NRG3: variants seen among roughly 807,000 people sequenced by gnomAD.
NRG3 encodes the protein neuregulin 3.
NRG3 carries 31 observed loss-of-function variants against 66.9 expected under a neutral mutation model. The ratio of observed to expected loss-of-function variants is 0.46; its 90% confidence interval spans 0.35 to 0.63. The LOEUF is 0.63. Ranked by LOEUF, NRG3 falls within the 20% of genes least tolerant of loss-of-function variation. The probability of loss-of-function intolerance (pLI) is 0.00; values close to 1 mark genes in which losing one functional copy is unlikely to be tolerated. For missense variants in NRG3, 910 were observed against 878.9 expected (o/e 1.04, Z -0.45); for synonymous variants, 393 against 359.4 (o/e 1.09, Z -1.06).
intron 2 of NRG3, among the ~76,000 whole-genome samples, chr10:82,625,077 A>G (rs1160213144): frequency 2.0e-5 from 3 of 151,942 alleles, no homozygotes; most frequent in Middle Eastern, 6.8e-3. Context: ...AGTGTCTGTT[A>G]TCTACCAGAT....
chr10:82,811,676 G>A (rs17100804), intron 3 of NRG3, among the ~76,000 whole-genome samples: 29,735 of 152,106 alleles, frequency 0.2, 3,840 homozygotes, highest in African/African-American at 0.36. Flanking sequence ...AAATTAATTA[G>A]ATCCTTAGAG....
At chr10:82,625,801 G>GT (rs1195452723) in intron 2 of NRG3, among the ~76,000 whole-genome samples, 3 of 152,174 alleles carry the variant, frequency 2.0e-5, no homozygotes, top group African/African-American at 7.2e-5. Context: ...CACAATATGT[G>GT]TAAGTGGTAA....
intron 2 of NRG3, among the ~76,000 whole-genome samples, chr10:82,375,809 C>T (rs1250571126): frequency 6.6e-6 from 1 of 152,118 alleles, no homozygotes; most frequent in Non-Finnish European, 1.5e-5. Context: ...ATTCTAAATT[C>T]AGGTGAAGAA....
chr10:82,927,810 G>C (rs1847158686), intron 4 of NRG3, among the ~76,000 whole-genome samples: 2 of 152,174 alleles, frequency 1.3e-5, no homozygotes, highest in African/African-American at 2.4e-5. Flanking sequence ...ACATACGTGT[G>C]CGTGTGTCTT....
At chr10:81,965,966 A>G (rs2059716509) in intron 1 of NRG3, among the ~76,000 whole-genome samples, 1 of 152,066 alleles carries the variant, frequency 6.6e-6, no homozygotes, top group Non-Finnish European at 1.5e-5. Flanking sequence ...ATTGTTTTGA[A>G]CATTAATGGA....
At chr10:82,255,272 GC>G (rs1185898950) in intron 1 of NRG3, among the ~76,000 whole-genome samples, 1 of 152,084 alleles carries the variant, frequency 6.6e-6, no homozygotes, top group Non-Finnish European at 1.5e-5. Context: ...TCACAGACAA[GC>G]AAAATCTGAG....
chr10:82,554,140 T>A (rs1366044155), intron 2 of NRG3, among the ~76,000 whole-genome samples: 7 of 152,156 alleles, frequency 4.6e-5, no homozygotes, highest in Non-Finnish European at 2.9e-5. Flanking sequence ...TGAATTAAAA[T>A]TAAGATGCAG....
At chr10:82,099,549 C>T (rs1237427794) in intron 1 of NRG3, among the ~76,000 whole-genome samples, 1 of 152,138 alleles carries the variant, frequency 6.6e-6, no homozygotes, top group Non-Finnish European at 1.5e-5. Context: ...TTTGGCTATT[C>T]TCATTCCCTT....
At chr10:82,846,333 AC>A (rs1180753479) in intron 3 of NRG3, among the ~76,000 whole-genome samples, 1 of 152,194 alleles carries the variant, frequency 6.6e-6, no homozygotes, top group Non-Finnish European at 1.5e-5. Flanking sequence ...AGATAAGACA[AC>A]CTGCAATGCT....
chr10:81,972,842 A>G (rs1389091816), intron 1 of NRG3, among the ~76,000 whole-genome samples: 1 of 152,230 alleles, frequency 6.6e-6, no homozygotes, highest in African/African-American at 2.4e-5. Context: ...GAACATCATA[A>G]TCAAATTGTT....
Position 82,973,805 on chromosome 10 carries a change from G to T in NRG3, c.1302G>T (p.Arg434Ser). ...TCCCACAGTATTCAAAGGTGGAAAG[G>T]CATCCTGTGACTGCATTGGAGAAAA... ...VQLQNYSKVERHPVTALEKMM... is the reference protein window; with the variant it reads ...VQLQNYSKVESHPVTALEKMM... Residue 434 changes from arginine (R) to serine (S), a missense_variant, in exon 7 of 9, where the codon AGG (arginine) becomes AGT (serine). Coordinates refer to ENST00000372141, the MANE Select transcript of NRG3 (RefSeq NM_001010848.4). 1.2e-6 allele frequency: 2 copies of T among 1,613,980 alleles called. No individual in the cohort carries two copies. Among genetic ancestry groups the T allele is most frequent in the South Asian group, 1.1e-5 (1 of 91,082 alleles).
At chr10:82,269,074 C>T (rs2078455852) in intron 1 of NRG3, among the ~76,000 whole-genome samples, 1 of 152,178 alleles carries the variant, frequency 6.6e-6, no homozygotes, top group Non-Finnish European at 1.5e-5. Flanking sequence ...CTTCCTCCTA[C>T]ATTTTTCTGA....
intron 3 of NRG3, among the ~76,000 whole-genome samples, chr10:82,840,473 T>G (rs932769017): frequency 1.3e-5 from 2 of 152,214 alleles, no homozygotes; most frequent in Non-Finnish European, 2.9e-5. Flanking sequence ...ATCAATGACA[T>G]CATAATTCAA....
intron 1 of NRG3, among the ~76,000 whole-genome samples, chr10:82,228,569 G>C (rs1261899899): frequency 6.6e-6 from 1 of 151,956 alleles, no homozygotes; most frequent in Non-Finnish European, 1.5e-5. Context: ...TTACCACATT[G>C]AATGTAACTG....
chr10:82,062,797 G>T (rs1416485538), intron 1 of NRG3, among the ~76,000 whole-genome samples: 83 of 151,992 alleles, frequency 5.5e-4, no homozygotes, highest in Admixed American at 5.2e-3. Flanking sequence ...GTACTGAAGA[G>T]AAACAAAAAT....
At chr10:82,702,605 A>AC (rs981967264) in intron 2 of NRG3, among the ~76,000 whole-genome samples, 21 of 152,300 alleles carry the variant, frequency 1.4e-4, no homozygotes, top group African/African-American at 5.1e-4. Flanking sequence ...ATACAGTGCG[A>AC]CTGGAAGGGA....
intron 3 of NRG3, among the ~76,000 whole-genome samples, chr10:82,786,935 G>A (rs1016666552): frequency 6.6e-6 from 1 of 152,084 alleles, no homozygotes; most frequent in African/African-American, 2.4e-5. Flanking sequence ...ACGGTATGAT[G>A]CAGCAAGAAG....
chr10:82,194,582 C>T (rs201867034), intron 1 of NRG3, among the ~76,000 whole-genome samples: 2 of 151,940 alleles, frequency 1.3e-5, no homozygotes, highest in African/African-American at 2.4e-5. Flanking sequence ...GCTGCCTCCC[C>T]GTAGTTCGTG....
intron 1 of NRG3, among the ~76,000 whole-genome samples, chr10:82,079,385 G>A (rs186342820): frequency 6.6e-6 from 1 of 152,234 alleles, no homozygotes; most frequent in East Asian, 1.9e-4. Context: ...AAAATTGAAA[G>A]GAAGGTACAG....
Sources: allele counts gnomAD v4.1 joint callset (sites outside exome capture counted in the v4.1 genomes callset), GRCh38; gene constraint gnomAD v4.1.1; transcripts MANE v1.5; gene names NCBI Gene and HGNC (gene_info 2026-07-23, HGNC 2026-07-21).